Variants in ZNF334 observed in about 807,000 individuals in gnomAD.
ZNF334 encodes zinc finger protein 334.
ZNF334 carries 14 observed loss-of-function variants against 12.4 expected under a neutral mutation model. The ratio of observed to expected loss-of-function variants is 1.13; its 90% CI spans 0.74 to 1.76. The LOEUF (loss-of-function observed/expected upper bound fraction) is 1.76. Ranked by LOEUF, ZNF334 falls within the 40% of genes most tolerant of loss-of-function variation. The probability of loss-of-function intolerance (pLI) is 0.00; values close to 1 mark genes in which losing one functional copy is unlikely to be tolerated. For synonymous variants in ZNF334, 273 were observed against 269.6 expected (o/e 1.01, Z -0.12); for missense variants, 797 against 804.5 (o/e 0.99, Z 0.11).
At chr20:46,477,301 A>C in the ZNF334 span, 1 of 151,980 alleles carries the variant, frequency 6.6e-6, no homozygotes, top group African/African-American at 2.4e-5. Context: ...GGCTAGGTTT[A>C]TGTCATCAAA....
chr20:46,504,359 T>C, intron 3 of ZNF334, 53 bp from the exon 4 acceptor site: 1 of 1,484,530 alleles, frequency 6.7e-7, no homozygotes, highest in Non-Finnish European at 9.4e-7. Context: ...CATCAGAGAC[T>C]CTGAAGAATG....
chr20:46,488,446 T>TACAC, the ZNF334 span, among the ~76,000 whole-genome samples: 1 of 143,352 alleles, frequency 7.0e-6, no homozygotes. Flanking sequence ...TATATATAAA[T>TACAC]ACCATAATTT....
the ZNF334 span, among the ~76,000 whole-genome samples, chr20:46,487,031 G>A: frequency 4.0e-4 from 61 of 151,498 alleles, no homozygotes; most frequent in Admixed American, 1.2e-3. Context: ...GTATTTTTTG[G>A]TTTAAAATGT....
At chr20:46,495,328 G>A (rs1799737968), downstream of ZNF334, among the ~76,000 whole-genome samples, 1 of 151,126 alleles carries the variant, frequency 6.6e-6, no homozygotes. Context: ...GGATCATTTT[G>A]AAGATGTAAT....
rs146816699 is a variant in ZNF334, at chr20:46,501,483, C to G, written c.1856G>C (p.Arg619Thr). Reference protein sequence around the residue: ...FCHKSAFRVHRRIHTGEKPYE... With the variant: ...FCHKSAFRVHTRIHTGEKPYE... Reference sequence around the variant, plus strand: ...TGGTTTCTCTCCTGTGTGAATTCTTCTATGGACTCTGAAGGCTGACTTATG... The same window carrying G: ...TGGTTTCTCTCCTGTGTGAATTCTTGTATGGACTCTGAAGGCTGACTTATG... The change falls in exon 5 of 5, where the codon AGA (arginine) becomes ACA (threonine). Residue 619 changes from arginine to threonine, a missense_variant. By Grantham distance (71) the Arg-to-Thr change is moderately conservative. Transcript: ENST00000692313. 857 of 1,613,568 alleles carry G rather than the reference C, an allele frequency of 5.3e-4. No individual in the cohort carries two copies. The highest frequency in any genetic ancestry group is 7.1e-4 in the Non-Finnish European group (832 of 1,179,858).
chr20:46,481,134 A>C, the ZNF334 span: 4 of 152,212 alleles, frequency 2.6e-5, no homozygotes, highest in African/African-American at 9.7e-5. Context: ...TGAAGAATGA[A>C]AAGGAAAATG....
the ZNF334 span, among the ~76,000 whole-genome samples, chr20:46,465,932 C>T: frequency 3.3e-5 from 5 of 150,904 alleles, no homozygotes; most frequent in East Asian, 1.9e-4. Flanking sequence ...CCAGCCTGAG[C>T]GACAGAGCGA....
At chr20:46,503,666 G>A (rs2061329760) in intron 4 of ZNF334, among the ~76,000 whole-genome samples, 1 of 152,306 alleles carries the variant, frequency 6.6e-6, no homozygotes, top group South Asian at 2.1e-4. Context: ...GTAGAGCTGG[G>A]ACTAGAGGAA....
At chr20:46,477,714 G>A in the ZNF334 span, among the ~76,000 whole-genome samples, 1 of 152,178 alleles carries the variant, frequency 6.6e-6, no homozygotes, top group Non-Finnish European at 1.5e-5. Context: ...GTTACTGTGG[G>A]CAAAATTGCT....
the ZNF334 span, among the ~76,000 whole-genome samples, chr20:46,487,997 G>A: frequency 6.6e-6 from 1 of 152,020 alleles, no homozygotes; most frequent in East Asian, 1.9e-4. Context: ...TGGCATCTAG[G>A]GTGTAACAGC....
Position 46,513,319 on chromosome 20 carries a change from G to C in ZNF334, c.-818C>G, listed in dbSNP as rs1047373862. ...AGCCCAATCCTGCCCTGGCTGCCTCGCCTCCCGACCACAGGAAACCCTCCC... is the reference window on the plus strand; with the variant it reads ...AGCCCAATCCTGCCCTGGCTGCCTCCCCTCCCGACCACAGGAAACCCTCCC... On this transcript the variant is annotated 5_prime_UTR_variant, in exon 1 of 5. Coordinates refer to ENST00000692313, the MANE Select transcript of ZNF334 (RefSeq NM_001353824.2). 3.3e-5 allele frequency: 5 copies of C among 152,288 alleles called. No homozygotes were observed. Among genetic ancestry groups the C allele is most frequent in the Admixed American group, 1.3e-4 (2 of 15,270 alleles). 9.4% of individuals were successfully genotyped at this position (152,288 alleles called of 1,614,324 possible).
rs2061182212 is a variant in ZNF334, at chr20:46,501,745, GGT to G, written c.1592_1593del (p.His531ProfsTer14). The G allele has an allele frequency of 6.2e-7, 1 of 1,613,914 alleles. No individual in the cohort carries two copies. The highest frequency in any genetic ancestry group is 1.3e-5 in the African/African-American group (1 of 74,866). ...CATATAGTTCTCTGATGTACAATGAGGTGTGAGTTTTTGCTGACGGCATGCCC... is the reference window on the plus strand; with the variant it reads ...CATATAGTTCTCTGATGTACAATGAGGTGAGTTTTTGCTGACGGCATGCCC... ...EHGHAVSKNS[H>X]LIVHQRTIWE... On this transcript the variant is annotated frameshift_variant, in exon 5 of 5. Coordinates refer to ENST00000692313, the MANE Select transcript of ZNF334 (RefSeq NM_001353824.2). LOFTEE classifies it low-confidence loss of function (END_TRUNC).
chr20:46,472,491 A>C, the ZNF334 span, among the ~76,000 whole-genome samples: 1 of 152,214 alleles, frequency 6.6e-6, no homozygotes, highest in Non-Finnish European at 1.5e-5. Flanking sequence ...ATAGCTTTTA[A>C]GTCGATATTT....
At chr20:46,503,459 G>A (rs2061322907) in intron 4 of ZNF334, among the ~76,000 whole-genome samples, 1 of 152,172 alleles carries the variant, frequency 6.6e-6, no homozygotes, top group African/African-American at 2.4e-5. Flanking sequence ...CTGATGGAGT[G>A]TTGAATAAAA....
the ZNF334 span, chr20:46,492,066 A>C: frequency 6.6e-6 from 1 of 152,580 alleles, no homozygotes; most frequent in Non-Finnish European, 1.5e-5. Context: ...CACAATAAAA[A>C]GGAAAACTCC....
At chr20:46,488,915 C>T in the ZNF334 span, among the ~76,000 whole-genome samples, 24 of 151,074 alleles carry the variant, frequency 1.6e-4, no homozygotes, top group African/African-American at 5.9e-4. Context: ...ATGTACATAA[C>T]GTCTTTTTCC....
At chr20:46,506,452 C>T in intron 2 of ZNF334, 1 of 409,188 alleles carries the variant, frequency 2.4e-6, no homozygotes. Context: ...ACGGCAAAAC[C>T]CCATCTCTAC....
At chr20:46,476,846 C>T in the ZNF334 span, 2 of 152,186 alleles carry the variant, frequency 1.3e-5, no homozygotes, top group South Asian at 2.1e-4. Context: ...AATGTTAAGA[C>T]GTCCAGTCCT....
At chr20:46,511,168 G>T (rs1434332601) in intron 2 of ZNF334, among the ~76,000 whole-genome samples, 1 of 151,362 alleles carries the variant, frequency 6.6e-6, no homozygotes, top group Non-Finnish European at 1.5e-5. Flanking sequence ...AAGGTGGGAG[G>T]ATCACTTGAA....
Sources: allele counts gnomAD v4.1 joint callset (sites outside exome capture counted in the v4.1 genomes callset), GRCh38; gene constraint gnomAD v4.1.1; transcripts MANE v1.5; gene names NCBI Gene and HGNC (gene_info 2026-07-23, HGNC 2026-07-21).